Variants in DLG2 observed in about 807,000 individuals in gnomAD.
DLG2 encodes discs large MAGUK scaffold protein 2.
A neutral mutation model predicts 132.5 loss-of-function variants in DLG2; 45 were observed. That is an observed-to-expected ratio of 0.34 (90% confidence interval 0.27 to 0.44). DLG2 has a LOEUF of 0.44. Among genes scored for constraint, DLG2 ranks in the 20% least tolerant of loss-of-function variants. DLG2 has a pLI of 1.00. For synonymous variants in DLG2, 424 were observed against 419.6 expected (o/e 1.01, Z -0.13); for missense variants, 1,045 against 1,196.9 (o/e 0.87, Z 1.87).
At chr11:85,624,475 G>A (rs1404067669) in intron 2 of DLG2, among the ~76,000 whole-genome samples, 4 of 152,122 alleles carry the variant, frequency 2.6e-5, no homozygotes, top group Non-Finnish European at 5.9e-5. Flanking sequence ...TAGCTTTTTC[G>A]TCATGTCTAC....
chr11:85,571,095 A>G lies in DLG2; in HGVS notation c.40+27562T>C, dbSNP rs548116319. Among the ~76,000 whole-genome samples the G allele has an allele frequency of 1.8e-4, 27 of 152,120 alleles. 1 individual carries two copies. The South Asian group carries it at 5.6e-3, about 32-fold the overall frequency. On this transcript the variant is annotated intron_variant, in intron 3 of 27. Transcript: ENST00000376104. ...TTAAAATCTTTGCCTAGTTAATCCAATCTCTAGGCTACCTAAGGACAGTTT... is the reference window on the plus strand; with the variant it reads ...TTAAAATCTTTGCCTAGTTAATCCAGTCTCTAGGCTACCTAAGGACAGTTT...
In DLG2 at chr11:84,650,349, G is replaced by A. The variant is rs553341231; in HGVS notation, c.358-115618C>T. On this transcript the variant is annotated intron_variant, in intron 6 of 27. Transcript: ENST00000376104. ...ATGAAAAGAACCTTCTCTCTCTTTC[G>A]TTGTAGGTATTAGAGATGTGGGAGT... 7.2e-5 allele frequency among the ~76,000 whole-genome samples: 11 copies of A among 152,188 alleles called. No homozygotes were observed. In the East Asian group the frequency reaches 1.2e-3, roughly 16 times the overall value.
intron 6 of DLG2, among the ~76,000 whole-genome samples, chr11:85,069,951 C>T (rs896037060): frequency 1.3e-5 from 2 of 152,034 alleles, no homozygotes; most frequent in African/African-American, 4.8e-5. Flanking sequence ...GGCACATATA[C>T]ACCATGGAAT....
chr11:83,727,488 G>A (rs1260006701), intron 18 of DLG2, among the ~76,000 whole-genome samples: 1 of 152,128 alleles, frequency 6.6e-6, no homozygotes, highest in Non-Finnish European at 1.5e-5. Flanking sequence ...TGTGAGTAAT[G>A]CAAATATTGA....
intron 4 of DLG2, among the ~76,000 whole-genome samples, chr11:85,156,977 A>T (rs759605043): frequency 2.0e-5 from 3 of 152,214 alleles, no homozygotes; most frequent in Non-Finnish European, 4.4e-5. Flanking sequence ...GTTGCCAAAA[A>T]GATTAACATT....
At chr11:84,455,817 C>G (rs11234033) in intron 7 of DLG2, among the ~76,000 whole-genome samples, 19,962 of 151,312 alleles carry the variant, frequency 0.13, 1,428 homozygotes, top group South Asian at 0.18. Context: ...ACTGTATCAT[C>G]TAAGAAAGTC....
intron 7 of DLG2, among the ~76,000 whole-genome samples, chr11:84,272,550 A>G (rs908604012): frequency 1.3e-5 from 2 of 152,188 alleles, no homozygotes; most frequent in African/African-American, 4.8e-5. Context: ...AATAAATTAT[A>G]AACACAAACA....
chr11:84,810,216 A>G (rs1169650784), intron 6 of DLG2, among the ~76,000 whole-genome samples: 1 of 152,114 alleles, frequency 6.6e-6, no homozygotes, highest in African/African-American at 2.4e-5. Flanking sequence ...CACATATCCA[A>G]AAAAGATTTG....
intron 18 of DLG2, among the ~76,000 whole-genome samples, chr11:83,741,185 A>G (rs372304447): frequency 6.6e-6 from 1 of 152,200 alleles, no homozygotes; most frequent in Non-Finnish European, 1.5e-5. Context: ...TGACAAACCC[A>G]CAGCCATTAT....
At chr11:84,272,243 T>C (rs940151099) in intron 7 of DLG2, 1 of 410,370 alleles carries the variant, frequency 2.4e-6, no homozygotes, top group African/African-American at 2.1e-5. Context: ...AAAAATATGA[T>C]GGCATCTAAC....
At chr11:83,932,655 C>A (rs1353295067) in intron 14 of DLG2, among the ~76,000 whole-genome samples, 1 of 151,666 alleles carries the variant, frequency 6.6e-6, no homozygotes, top group Non-Finnish European at 1.5e-5. Flanking sequence ...AGTCTGAACA[C>A]AGAAATGGCA....
intron 6 of DLG2, among the ~76,000 whole-genome samples, chr11:84,872,341 T>C (rs917146083): frequency 1.3e-5 from 2 of 152,190 alleles, no homozygotes; most frequent in African/African-American, 4.8e-5. Context: ...TGCAAAGGGA[T>C]TCATTCCCTT....
intron 7 of DLG2, among the ~76,000 whole-genome samples, chr11:84,442,217 C>T (rs935595153): frequency 1.3e-5 from 2 of 151,930 alleles, no homozygotes; most frequent in Non-Finnish European, 2.9e-5. Context: ...GGCAGTATGG[C>T]CATTTTCACG....
At chr11:85,071,845 T>C (rs1426479633) in intron 6 of DLG2, among the ~76,000 whole-genome samples, 2 of 151,808 alleles carry the variant, frequency 1.3e-5, no homozygotes, top group Non-Finnish European at 2.9e-5. Flanking sequence ...CTTACATCTC[T>C]CTCTTGTGTT....
intron 7 of DLG2, among the ~76,000 whole-genome samples, chr11:84,472,649 T>C (rs375101919): frequency 6.6e-6 from 1 of 152,066 alleles, no homozygotes; most frequent in African/African-American, 2.4e-5. Context: ...CTAATGTTCA[T>C]ACTTAAGCCC....
At chr11:84,153,895 C>T (rs2095365314) in intron 9 of DLG2, among the ~76,000 whole-genome samples, 1 of 152,340 alleles carries the variant, frequency 6.6e-6, no homozygotes, top group African/African-American at 2.4e-5. Context: ...TAAGGAGACA[C>T]TCTGAATTTT....
chr11:83,734,977 G>C (rs1414007160), intron 18 of DLG2, among the ~76,000 whole-genome samples: 5 of 152,000 alleles, frequency 3.3e-5, no homozygotes, highest in African/African-American at 1.2e-4. Context: ...TGCAGAACTT[G>C]TTATAGGTAT....
intron 6 of DLG2, among the ~76,000 whole-genome samples, chr11:85,017,399 C>G (rs1362160127): frequency 6.6e-6 from 1 of 151,658 alleles, no homozygotes; most frequent in Non-Finnish European, 1.5e-5. Context: ...ATTTTTGCCC[C>G]TACTACTTTG....
intron 6 of DLG2, among the ~76,000 whole-genome samples, chr11:84,633,631 C>A (rs1350078526): frequency 2.6e-5 from 4 of 151,700 alleles, no homozygotes; most frequent in South Asian, 4.2e-4. Flanking sequence ...AAAAAAAGTT[C>A]CTTGAAGGTA....
Sources: gnomAD v4.1 joint callset for allele counts (sites outside exome capture counted in the v4.1 genomes callset) on GRCh38, gnomAD v4.1.1 for gene constraint, MANE v1.5 for transcripts, NCBI Gene and HGNC (gene_info 2026-07-23, HGNC 2026-07-21) for gene names.